PLCB1: variants seen among roughly 807,000 people sequenced by gnomAD.
PLCB1 encodes the protein phospholipase C beta 1.
PLCB1 carries 46 observed loss-of-function variants against 161.8 expected under a neutral mutation model. That is an observed-to-expected ratio of 0.28 (90% CI 0.22 to 0.36). The LOEUF is 0.36. Among genes scored for constraint, PLCB1 ranks in the 10% least tolerant of loss-of-function variants. The pLI, the probability that PLCB1 is intolerant of heterozygous loss-of-function variation, is 1.00. For missense variants in PLCB1, 1,016 were observed against 1,472.5 expected, an observed-to-expected ratio of 0.69 and a Z score of 5.07; for synonymous variants, 517 against 503.7, an observed-to-expected ratio of 1.03 and a Z score of -0.35.
At chr20:8,397,469 AAAG>A (rs1184989510) in intron 3 of PLCB1, among the ~76,000 whole-genome samples, 2 of 152,114 alleles carry the variant, frequency 1.3e-5, no homozygotes, top group Non-Finnish European at 1.5e-5. Context: ...AAAATTATAT[AAAG>A]AAGAATGCTC....
intron 31 of PLCB1, among the ~76,000 whole-genome samples, chr20:8,864,477 A>G (rs1987358825): frequency 6.6e-6 from 1 of 152,176 alleles, no homozygotes; most frequent in Non-Finnish European, 1.5e-5. Flanking sequence ...TGTCTCACTC[A>G]TGTCTCTGCC....
chr20:8,190,294 G>C (rs1479617433), intron 2 of PLCB1, among the ~76,000 whole-genome samples: 2 of 151,904 alleles, frequency 1.3e-5, no homozygotes, highest in Non-Finnish European at 2.9e-5. Context: ...TGAAATTCTC[G>C]GATAAGTAGT....
intron 2 of PLCB1, among the ~76,000 whole-genome samples, chr20:8,300,517 A>G (rs1983853684): frequency 6.6e-6 from 1 of 152,110 alleles, no homozygotes; most frequent in Non-Finnish European, 1.5e-5. Context: ...CTATGACTCC[A>G]TAGCCATTTG....
intron 3 of PLCB1, among the ~76,000 whole-genome samples, chr20:8,485,240 T>C (rs1321895376): frequency 6.6e-6 from 1 of 152,218 alleles, no homozygotes; most frequent in East Asian, 1.9e-4. Flanking sequence ...GGAGTAGATG[T>C]ATACTCCACA....
At chr20:8,513,054 T>G (rs6118221) in intron 3 of PLCB1, among the ~76,000 whole-genome samples, 22,979 of 152,232 alleles carry the variant, frequency 0.15, 1,763 homozygotes, top group Non-Finnish European at 0.17. Flanking sequence ...TTTGTCCTTC[T>G]GTGCCTGGCT....
chr20:8,513,053 C>T (rs530989702), intron 3 of PLCB1, among the ~76,000 whole-genome samples: 2 of 152,262 alleles, frequency 1.3e-5, no homozygotes, highest in South Asian at 4.1e-4. Flanking sequence ...ATTTGTCCTT[C>T]TGTGCCTGGC....
chr20:8,337,374 A>C lies in PLCB1; in HGVS notation c.178-34008A>C, dbSNP rs143642257. 5.1e-4 allele frequency among the ~76,000 whole-genome samples: 77 copies of C among 152,338 alleles called. 1 individual carries two copies. The East Asian group carries it at 0.013, about 27-fold the overall frequency. ...TCACTGTTATAGCCATATTGGAACAATTCATTAGGATGATGCAAAATAAGA... is the reference window on the plus strand; with the variant it reads ...TCACTGTTATAGCCATATTGGAACACTTCATTAGGATGATGCAAAATAAGA... On this transcript the variant is annotated intron_variant, in intron 2 of 31. Coordinates refer to ENST00000338037, the MANE Select transcript of PLCB1 (RefSeq NM_015192.4).
intron 2 of PLCB1, among the ~76,000 whole-genome samples, chr20:8,308,479 C>T (rs1367428831): frequency 1.3e-5 from 2 of 151,218 alleles, no homozygotes; most frequent in African/African-American, 4.9e-5. Context: ...TAGCTGGGCA[C>T]GGTGGCAGGT....
chr20:8,501,673 C>T (rs906186009), intron 3 of PLCB1, among the ~76,000 whole-genome samples: 3 of 151,960 alleles, frequency 2.0e-5, no homozygotes, highest in African/African-American at 7.2e-5. Context: ...AGAAACATAC[C>T]GATGCCATAT....
At chr20:8,510,670 C>T (rs1170653935) in intron 3 of PLCB1, among the ~76,000 whole-genome samples, 3 of 152,114 alleles carry the variant, frequency 2.0e-5, no homozygotes, top group Admixed American at 6.5e-5. Context: ...GGATTACAGG[C>T]GTGAGCCACC....
intron 3 of PLCB1, among the ~76,000 whole-genome samples, chr20:8,440,941 C>T (rs918030610): frequency 2.0e-5 from 3 of 151,838 alleles, no homozygotes; most frequent in African/African-American, 7.3e-5. Flanking sequence ...TATTATGTGT[C>T]AATTTAAGAA....
chr20:8,187,704 C>T (rs368186490), intron 2 of PLCB1, among the ~76,000 whole-genome samples: 51 of 152,114 alleles, frequency 3.4e-4, no homozygotes, highest in Middle Eastern at 6.8e-3. Context: ...GCTTCTCACA[C>T]GGATATTATG....
In PLCB1 at chr20:8,493,705, TA is replaced by T. The variant is rs879747807; in HGVS notation, c.246+122256del. On this transcript the variant is annotated intron_variant, in intron 3 of 31. Transcript: ENST00000338037. ...GAGAGTCTGCATGAGTGCTGTGTGC[TA>T]TAGCATCACTGGAAGCTGAACCTCA... is the stretch of plus-strand genomic sequence containing the variant. 7.2e-3 allele frequency among the ~76,000 whole-genome samples: 1,002 copies of T among 139,762 alleles called. 52 individuals carry two copies. Among genetic ancestry groups the T allele is most frequent in the African/African-American group, 8.9e-3 (321 of 36,138 alleles). 91.7% of individuals were successfully genotyped at this position (139,762 alleles called of 152,430 possible).
chr20:8,327,641 C>A (rs1985208821), intron 2 of PLCB1, among the ~76,000 whole-genome samples: 1 of 152,162 alleles, frequency 6.6e-6, no homozygotes. Flanking sequence ...AAGGCCTGTT[C>A]ATCATAGCTC....
chr20:8,499,144 A>G (rs1460255506), intron 3 of PLCB1, among the ~76,000 whole-genome samples: 1 of 152,190 alleles, frequency 6.6e-6, no homozygotes, highest in Non-Finnish European at 1.5e-5. Context: ...TTTGAGCCGG[A>G]TGTGGTTTTC....
intron 2 of PLCB1, among the ~76,000 whole-genome samples, chr20:8,189,929 GA>G (rs2123107042): frequency 6.6e-6 from 1 of 152,180 alleles, no homozygotes; most frequent in Admixed American, 6.6e-5. Flanking sequence ...AAAAGCAGGA[GA>G]AAGAGAAGTG....
chr20:8,340,780 G>C (rs376176217), intron 2 of PLCB1, among the ~76,000 whole-genome samples: 4 of 152,116 alleles, frequency 2.6e-5, no homozygotes, highest in Non-Finnish European at 5.9e-5. Flanking sequence ...TGTTACCACC[G>C]GCCGAATACC....
intron 9 of PLCB1, among the ~76,000 whole-genome samples, chr20:8,665,048 G>A (rs1457639094): frequency 2.0e-5 from 3 of 152,078 alleles, no homozygotes; most frequent in Non-Finnish European, 4.4e-5. Flanking sequence ...CAAACCACAC[G>A]GACCGACAAT....
chr20:8,834,914 CAG>C (rs1325670874), intron 31 of PLCB1, among the ~76,000 whole-genome samples: 1 of 150,898 alleles, frequency 6.6e-6, no homozygotes, highest in Non-Finnish European at 1.5e-5. Context: ...CTTTCTTACT[CAG>C]GGGAATGTTA....
Sources: allele counts gnomAD v4.1 joint callset (sites outside exome capture counted in the v4.1 genomes callset), GRCh38; gene constraint gnomAD v4.1.1; transcripts MANE v1.5; gene names NCBI Gene and HGNC (gene_info 2026-07-23, HGNC 2026-07-21).